HMCN1: variants seen among roughly 807,000 people sequenced by gnomAD.
The protein encoded by HMCN1 is hemicentin-1.
Under a neutral mutation model 625.9 loss-of-function variants are expected in HMCN1, and 321 were observed. That is an observed-to-expected ratio of 0.51 (90% CI 0.47 to 0.56). HMCN1 has a LOEUF of 0.56. Ranked by LOEUF, HMCN1 falls within the 20% of genes least tolerant of loss-of-function variation. The probability of loss-of-function intolerance (pLI) is 0.00; values close to 1 mark genes in which losing one functional copy is unlikely to be tolerated. For synonymous variants in HMCN1, 2,425 were observed against 2,417.6 expected (o/e 1.00, Z -0.09); for missense variants, 6,588 against 6,887.3 (o/e 0.96, Z 1.54).
At chr1:185,917,172 A>G (rs1023719271) in intron 6 of HMCN1, among the ~76,000 whole-genome samples, 2 of 152,162 alleles carry the variant, frequency 1.3e-5, no homozygotes, top group Admixed American at 6.5e-5. Context: ...AAAAATGCCA[A>G]AAATTAGGGT....
In HMCN1 at chr1:186,187,970, C is replaced by G. The variant is rs771039792; in HGVS notation, c.16502C>G (p.Thr5501Arg). Reference sequence around the variant, plus strand: ...AGAGGAAGCTACCAGTGCATCGATACACCCTGTCCACCCAACTACCAACGG... The same window carrying G: ...AGAGGAAGCTACCAGTGCATCGATAGACCCTGTCCACCCAACTACCAACGG... ...NMRGSYQCID[T>R]PCPPNYQRDP... The change falls in exon 106 of 107, where the codon ACA (threonine) becomes AGA (arginine). Residue 5501 changes from threonine to arginine, a missense_variant. By Grantham distance (71) the Thr-to-Arg change is moderately conservative. Around this residue, in one of 3 missense-constraint regions of HMCN1, gnomAD observed 1,954 missense variants for 2,013.1 expected, o/e 0.97. Transcript: ENST00000271588. 8 of 1,613,868 alleles carry G rather than the reference C, an allele frequency of 5.0e-6. No homozygotes were observed. The South Asian group carries it at 8.8e-5, about 18-fold the overall frequency.
intron 62 of HMCN1, 27 bp from the exon 63 acceptor site, chr1:186,088,579 T>C (rs1659664943): frequency 6.2e-7 from 1 of 1,607,314 alleles, no homozygotes; most frequent in South Asian, 1.1e-5. Flanking sequence ...TTTTTTATGT[T>C]TTATTGTGCT....
rs533696380 is a variant in HMCN1, at chr1:185,955,748, G to A, written c.1829-6770G>A. Among the ~76,000 whole-genome samples the A allele has an allele frequency of 5.3e-5, 8 of 152,142 alleles. No homozygotes were observed. In the South Asian group the frequency reaches 1.2e-3, roughly 24 times the overall value. ...CCAGAGCTGAACTTTTGATGGCCACGGAACATTTTCTCTGTCAGCCTCTAT... is the reference window on the plus strand; with the variant it reads ...CCAGAGCTGAACTTTTGATGGCCACAGAACATTTTCTCTGTCAGCCTCTAT... On this transcript the variant is annotated intron_variant, in intron 11 of 106. Coordinates refer to ENST00000271588, the MANE Select transcript of HMCN1 (RefSeq NM_031935.3).
intron 93 of HMCN1, among the ~76,000 whole-genome samples, chr1:186,149,402 C>A (rs1650534702): frequency 6.6e-6 from 1 of 152,140 alleles, no homozygotes; most frequent in Non-Finnish European, 1.5e-5. Context: ...GTCCTTGAGC[C>A]TCTTGTCTTC....
chr1:186,153,003 A>G, intron 96 of HMCN1, 132 bp downstream of exon 96: 2 of 1,217,006 alleles, frequency 1.6e-6, no homozygotes, highest in South Asian at 1.2e-5. Flanking sequence ...ATAAATAACT[A>G]TCTGATCTTT....
intron 1 of HMCN1, among the ~76,000 whole-genome samples, chr1:185,772,892 G>A (rs78257196): frequency 0.025 from 3,789 of 152,154 alleles, 142 homozygotes; most frequent in African/African-American, 0.082. Context: ...GCTTCCTTAC[G>A]TGGCAGAAGA....
intron 36 of HMCN1, among the ~76,000 whole-genome samples, chr1:186,034,530 T>C (rs1354175237): frequency 1.3e-5 from 2 of 152,160 alleles, no homozygotes; most frequent in Admixed American, 6.5e-5. Context: ...GGGATTTTCA[T>C]GGAAAGGCCA....
At chr1:186,189,474 A>T (rs1232198358) in intron 106 of HMCN1, 38 bp from the exon 107 acceptor site, 1 of 1,609,724 alleles carries the variant, frequency 6.2e-7, no homozygotes, top group South Asian at 1.1e-5. Flanking sequence ...TCCTACTTCC[A>T]GATAACTATG....
chr1:185,990,249 C>T (rs1156649378), intron 21 of HMCN1, 26 bp from the exon 22 acceptor site: 1 of 1,604,802 alleles, frequency 6.2e-7, no homozygotes, highest in Non-Finnish European at 8.5e-7. Flanking sequence ...ATACTGTTTC[C>T]CTTCCAAAAC....
chr1:186,186,658 ATC>A (rs1653330130), intron 105 of HMCN1, among the ~76,000 whole-genome samples: 1 of 152,126 alleles, frequency 6.6e-6, no homozygotes, highest in Non-Finnish European at 1.5e-5. Flanking sequence ...ATTAGTTGCA[ATC>A]TGTTTTTGTA....
chr1:185,819,812 G>A (rs1471728), intron 1 of HMCN1, among the ~76,000 whole-genome samples: 1,655 of 152,292 alleles, frequency 0.011, 5 homozygotes, highest in Middle Eastern at 0.024. Flanking sequence ...GTGTTTCCAT[G>A]GTGGAAAAGT....
At chr1:185,944,899 A>G (rs981547503) in intron 11 of HMCN1, among the ~76,000 whole-genome samples, 3 of 152,212 alleles carry the variant, frequency 2.0e-5, no homozygotes, top group Non-Finnish European at 4.4e-5. Flanking sequence ...TATGGAAGCT[A>G]TTTATGTCCG....
intron 11 of HMCN1, among the ~76,000 whole-genome samples, chr1:185,947,333 C>T (rs1261021058): frequency 6.6e-6 from 1 of 152,028 alleles, no homozygotes; most frequent in Non-Finnish European, 1.5e-5. Context: ...ACCCAAGGAA[C>T]TCATTTGGAA....
intron 41 of HMCN1, 112 bp downstream of exon 41, chr1:186,045,975 C>T (rs1656541292): frequency 1.3e-6 from 1 of 798,684 alleles, no homozygotes; most frequent in South Asian, 1.7e-5. Context: ...TTTTCTCTTA[C>T]AAAATTCTAG....
chr1:185,931,974 A>G (rs984930852), intron 10 of HMCN1, among the ~76,000 whole-genome samples: 23 of 152,238 alleles, frequency 1.5e-4, no homozygotes, highest in Non-Finnish European at 2.8e-4. Flanking sequence ...CAAATTAAAA[A>G]TACAGGATGC....
intron 1 of HMCN1, among the ~76,000 whole-genome samples, chr1:185,778,106 C>T (rs1473711188): frequency 1.3e-5 from 2 of 152,184 alleles, no homozygotes; most frequent in African/African-American, 4.8e-5. Flanking sequence ...GATGAACTCC[C>T]AGAATCTTCA....
chr1:186,003,880 A>G, intron 29 of HMCN1, 36 bp downstream of exon 29: 1 of 1,604,908 alleles, frequency 6.2e-7, no homozygotes, highest in Non-Finnish European at 8.5e-7. Context: ...CAAGGTTTCA[A>G]TGATAGGAAA....
chr1:186,010,282 A>G (rs1317492391), intron 30 of HMCN1, among the ~76,000 whole-genome samples: 1 of 152,082 alleles, frequency 6.6e-6, no homozygotes, highest in Non-Finnish European at 1.5e-5. Context: ...GTGTATTCAT[A>G]ATTTTTATTT....
intron 11 of HMCN1, among the ~76,000 whole-genome samples, chr1:185,961,482 G>A (rs1466655806): frequency 6.6e-6 from 1 of 152,132 alleles, no homozygotes; most frequent in Non-Finnish European, 1.5e-5. Flanking sequence ...GTCATTGAAT[G>A]AATTTATTTA....
Sources: allele counts gnomAD v4.1 joint callset (sites outside exome capture counted in the v4.1 genomes callset), GRCh38; gene constraint gnomAD v4.1.1; regional missense constraint gnomAD v4.1.1; transcripts MANE v1.5; gene names NCBI Gene and HGNC (gene_info 2026-07-23, HGNC 2026-07-21).